Variants in CARD9 observed in about 807,000 individuals in gnomAD.
CARD9 encodes caspase recruitment domain-containing protein 9.
A neutral mutation model predicts 66.0 loss-of-function variants in CARD9; 53 were observed. The observed-to-expected ratio is 0.80, with a 90% CI of 0.64 to 1.01. CARD9 has a LOEUF of 1.01. Ranked by LOEUF, CARD9 falls within the 50% of genes least tolerant of loss-of-function variation. The pLI is 0.00. For missense variants in CARD9, 769 were observed against 743.2 expected (o/e 1.03, Z -0.40); for synonymous variants, 387 against 313.8 (o/e 1.23, Z -2.47).
intron 7 of CARD9, 96 bp downstream of exon 7, chr9:136,369,654 A>G: frequency 1.3e-6 from 2 of 1,527,236 alleles, no homozygotes; most frequent in South Asian, 1.2e-5. Context: ...CAAATAACAA[A>G]GATTAAAAAT....
At chr9:136,368,629 T>G (rs932812152) in intron 7 of CARD9, among the ~76,000 whole-genome samples, 1 of 152,182 alleles carries the variant, frequency 6.6e-6, no homozygotes, top group African/African-American at 2.4e-5. Context: ...AGGATGGGAC[T>G]TGGGACGGGG....
rs1410182571 is a variant in CARD9 at position 136,364,634 on chromosome 9, G to A, written c.1435-75C>T. The A allele has an allele frequency of 2.8e-6, 4 of 1,427,118 alleles. No homozygotes were observed. In the South Asian group the frequency reaches 5.2e-5, roughly 18 times the overall value. 88.4% of individuals were successfully genotyped at this position (1,427,118 alleles called of 1,614,324 possible). ...CGTCCTTCTCACCCGCCCCCCACTG[G>A]CCCCTGTAACTGCAGACTGGTTGGG... is the stretch of plus-strand genomic sequence containing the variant. On this transcript the variant is annotated intron_variant, in intron 11 of 12. Transcript: ENST00000371732.
Position 136,367,697 on chromosome 9 carries a change from C to T in CARD9, c.1209G>A (p.Glu403=). ...TGCCCTCCACGGCCAGTAGCTGCGC[C>T]TCACACTGGAACACCTGCAGCTGCA... ...DELQLQVFQC[E]AQLLAVEGRL... is the part of the protein sequence containing the mutation. The change falls in exon 8 of 13, where the codon GAG becomes GAA. Residue 403 remains glutamate (E), a synonymous_variant. Coordinates refer to ENST00000371732, the MANE Select transcript of CARD9 (RefSeq NM_052813.5). 1 of 1,602,888 alleles carries T rather than the reference C, an allele frequency of 6.2e-7. No individual in the cohort carries two copies. Among genetic ancestry groups the T allele is most frequent in the Non-Finnish European group, 8.5e-7 (1 of 1,178,912 alleles).
Position 136,365,135 on chromosome 9 carries a change from C to G in CARD9, c.1434+6G>C, listed in dbSNP as rs370710250. 1 of 1,611,992 alleles carries G rather than the reference C, an allele frequency of 6.2e-7. No individual in the cohort carries two copies. Among genetic ancestry groups the G allele is most frequent in the South Asian group, 1.1e-5 (1 of 91,078 alleles). Reference sequence around the variant, plus strand: ...CTGGGAGGACCCCACCCCGGGGAAGCCTTACATGGGGGTTCCGCAAAACCT... The same window carrying G: ...CTGGGAGGACCCCACCCCGGGGAAGGCTTACATGGGGGTTCCGCAAAACCT... On this transcript the variant is annotated splice_donor_region_variant and intron_variant, in intron 11 of 12. Transcript: ENST00000371732.
rs1564367098 is a variant in CARD9, at chr9:136,366,752, C to T, written c.1357+48G>A. The T allele has an allele frequency of 1.2e-6, 2 of 1,607,530 alleles. 1 individual carries two copies. On this transcript the variant is annotated intron_variant, in intron 10 of 12. Transcript: ENST00000371732. ...CTGCCTGTGCTGAAGATGGGCCTCA[C>T]TTGGGGAAGCTGGGAGGCCTCTGGG... is the stretch of plus-strand genomic sequence containing the variant.
chr9:136,367,919 C>G (rs540594224), intron 7 of CARD9, 91 bp from the exon 8 acceptor site: 2 of 1,472,896 alleles, frequency 1.4e-6, no homozygotes. Flanking sequence ...GCAGAGGCTC[C>G]GGAGGACGTC....
chr9:136,370,239 C>T lies in CARD9; in HGVS notation c.951+55G>A, dbSNP rs73670238. The T allele has an allele frequency of 1.9e-3, 2,965 of 1,576,684 alleles. 42 individuals carry two copies. The African/African-American group carries it at 0.035, about 19-fold the overall frequency. On this transcript the variant is annotated intron_variant, in intron 6 of 12. Coordinates refer to ENST00000371732, the MANE Select transcript of CARD9 (RefSeq NM_052813.5). Reference sequence around the variant, plus strand: ...CAGGCACGGAGTGGGCGGAGCTCAGCCCGTCCAGCCTGGCTTGGACCCCAG... The same window carrying T: ...CAGGCACGGAGTGGGCGGAGCTCAGTCCGTCCAGCCTGGCTTGGACCCCAG...
intron 6 of CARD9, 54 bp from the exon 7 acceptor site, chr9:136,369,929 C>T: frequency 6.2e-7 from 1 of 1,604,428 alleles, no homozygotes; most frequent in Non-Finnish European, 8.5e-7. Flanking sequence ...CATTCTGGCC[C>T]TTGGGGTATA....
chr9:136,373,593 T>G lies in CARD9; in HGVS notation c.-78A>C. 1 of 984,834 alleles carries G rather than the reference T, an allele frequency of 1.0e-6. No homozygotes were observed. The allele number at this position is 984,834 out of a possible 1,614,324, so 61.0% of individuals were successfully genotyped here. A position where few individuals can be genotyped will look rare whatever the true frequency, so the allele number is the denominator to read the frequency against. ...CACCAGGAGCCTGGGCCGCGGAGCC[T>G]CTGGGAGATGCTGCCCGGGGCTGCA... On this transcript the variant is annotated 5_prime_UTR_variant, in exon 1 of 13. Coordinates refer to ENST00000371732, the MANE Select transcript of CARD9 (RefSeq NM_052813.5).
At chr9:136,364,589 C>A in intron 11 of CARD9, 30 bp from the exon 12 acceptor site, 1 of 1,532,114 alleles carries the variant, frequency 6.5e-7, no homozygotes, top group Non-Finnish European at 8.7e-7. Flanking sequence ...CGGGCTCCGG[C>A]CGGCTCCCCT....
Position 136,370,457 on chromosome 9 carries a change from A to G in CARD9, c.808-20T>C. 6.2e-7 allele frequency: 1 copy of G among 1,608,564 alleles called. No homozygotes were observed. Among genetic ancestry groups the G allele is most frequent in the Non-Finnish European group, 8.5e-7 (1 of 1,178,380 alleles). Reference sequence around the variant, plus strand: ...CCCCTCCTGAAGGGGGCAAAAGGCAATGGCCTGGCTGGGAAGGCCCCCACT... The same window carrying G: ...CCCCTCCTGAAGGGGGCAAAAGGCAGTGGCCTGGCTGGGAAGGCCCCCACT... On this transcript the variant is annotated intron_variant, in intron 5 of 12. Transcript: ENST00000371732.
Position 136,366,686 on chromosome 9 carries a change from AGTGGGGGTT to A in CARD9, c.1357+105_1357+113del, listed in dbSNP as rs1358602774. ...CCAGCCCCAGTTTCCCTGTCTGTGG[AGTGGGGGTT>A]GTGGGGGTTGACACAGGCATTGCGG... is the stretch of plus-strand genomic sequence containing the variant. On this transcript the variant is annotated intron_variant, in intron 10 of 12. Transcript: ENST00000371732. The A allele has an allele frequency of 8.1e-6, 9 of 1,104,334 alleles. No homozygotes were observed. The South Asian group carries it at 9.9e-5, about 12-fold the overall frequency. The allele number at this position is 1,104,334 out of a possible 1,614,324, so 68.4% of individuals were successfully genotyped here.
rs73565169 is a variant in CARD9 at position 136,373,539 on chromosome 9, T to C, written c.-24A>G. On this transcript the variant is annotated 5_prime_UTR_variant, in exon 1 of 13. Coordinates refer to ENST00000371732, the MANE Select transcript of CARD9 (RefSeq NM_052813.5). ...AGCACCAGACCCACCCACCTGAGGG[T>C]CTTCCAGGAGCCACCTGCACTGCAG... The C allele has an allele frequency of 1.0e-6, 1 of 985,542 alleles. No individual in the cohort carries two copies. The highest frequency in any genetic ancestry group is 1.2e-6 in the Non-Finnish European group (1 of 830,008). The allele number at this position is 985,542 out of a possible 1,614,324, so 61.0% of individuals were successfully genotyped here. A position where few individuals can be genotyped will look rare whatever the true frequency, so the allele number is the denominator to read the frequency against.
chr9:136,365,235 G>T lies in CARD9; in HGVS notation c.1358-18C>A. The T allele has an allele frequency of 6.2e-7, 1 of 1,604,964 alleles. No individual in the cohort carries two copies. The highest frequency in any genetic ancestry group is 8.5e-7 in the Non-Finnish European group (1 of 1,179,518). ...AAGGCAGCCTGGAAAGGAGAGTCGT[G>T]CCTGTGGGACCTGCCCATCTGCTGG... is the stretch of plus-strand genomic sequence containing the variant. On this transcript the variant is annotated intron_variant, in intron 10 of 12. Transcript: ENST00000371732.
At chr9:136,370,071 A>G in intron 6 of CARD9, 196 bp from the exon 7 acceptor site, 2 of 1,388,988 alleles carry the variant, frequency 1.4e-6, no homozygotes, top group Non-Finnish European at 1.9e-6. Flanking sequence ...CAGGCCTCAG[A>G]CACTGCTGTG....
chr9:136,364,377 C>T lies in CARD9; in HGVS notation c.1536G>A (p.Gln512=), dbSNP rs761020680. The T allele has an allele frequency of 7.7e-6, 12 of 1,563,308 alleles. No individual in the cohort carries two copies. The African/African-American group carries it at 1.2e-4, about 16-fold the overall frequency. The change falls in exon 13 of 13, where the codon CAG becomes CAA. Residue 512 remains glutamine, a synonymous_variant. Coordinates refer to ENST00000371732, the MANE Select transcript of CARD9 (RefSeq NM_052813.5). ...CCTCCTCCCCCTGCCGCCATCCTTTCTGCATCTTCCTGAGGGCGCGCTTCC... is the reference window on the plus strand; with the variant it reads ...CCTCCTCCCCCTGCCGCCATCCTTTTTGCATCTTCCTGAGGGCGCGCTTCC... ...YRRKRALRKM[Q]KGWRQGEEDR...
rs530522283 is a variant in CARD9 at position 136,370,031 on chromosome 9, T to C, written c.952-156A>G. ...CCCAGGCCCCTACCAGCCCTGCACT[T>C]CCAGACCGCGGCAGGACAGGGCCCT... On this transcript the variant is annotated intron_variant, in intron 6 of 12. Transcript: ENST00000371732. The C allele has an allele frequency of 8.9e-6, 13 of 1,458,442 alleles. No homozygotes were observed. In the East Asian group the frequency reaches 3.2e-4, roughly 36 times the overall value. The allele number at this position is 1,458,442 out of a possible 1,614,324, so 90.3% of individuals were successfully genotyped here.
rs755380617 is a variant in CARD9 at position 136,370,906 on chromosome 9, G to C, written c.562C>G (p.Arg188Gly). 1 of 1,611,086 alleles carries C rather than the reference G, an allele frequency of 6.2e-7. No homozygotes were observed. The highest frequency in any genetic ancestry group is 8.5e-7 in the Non-Finnish European group (1 of 1,178,890). ...CKEENYDLAMRLAHQSEEKGA... is the reference protein window; with the variant it reads ...CKEENYDLAMGLAHQSEEKGA... Reference sequence around the variant, plus strand: ...TTCTCCTCACTCTGGTGCGCCAGGCGCATGGCCAGGTCGTAGTTCTCCTCC... The same window carrying C: ...TTCTCCTCACTCTGGTGCGCCAGGCCCATGGCCAGGTCGTAGTTCTCCTCC... The change falls in exon 4 of 13, where the codon CGC becomes GGC. Residue 188 changes from arginine (R) to glycine (G), a missense_variant. Physicochemically the swap from Arg to Gly is moderately radical, Grantham distance 125. Transcript: ENST00000371732.
chr9:136,364,808 C>A (rs1833079570), intron 11 of CARD9: 2 of 600,114 alleles, frequency 3.3e-6, no homozygotes, highest in Admixed American at 6.0e-5. Flanking sequence ...GCCTGGGGTC[C>A]GGGCCATTGT....
Sources: allele counts gnomAD v4.1 joint callset (sites outside exome capture counted in the v4.1 genomes callset), GRCh38; gene constraint gnomAD v4.1.1; transcripts MANE v1.5; gene names NCBI Gene and HGNC (gene_info 2026-07-23, HGNC 2026-07-21).